The following RCL1 variants were observed in gnomAD, a reference collection of about 807,000 sequenced individuals.
RCL1 encodes RNA 3'-terminal phosphate cyclase-like protein.
A neutral mutation model predicts 42.4 loss-of-function variants in RCL1; 24 were observed. The ratio of observed to expected loss-of-function variants is 0.57; its 90% CI spans 0.41 to 0.80. The LOEUF (loss-of-function observed/expected upper bound fraction) is 0.80, where lower values mean the gene tolerates loss of function less well. Ranked by LOEUF, RCL1 falls within the 30% of genes least tolerant of loss-of-function variation. The pLI, the probability that RCL1 is intolerant of heterozygous loss-of-function variation, is 0.00. For missense variants in RCL1, 578 were observed against 467.9 expected, an observed-to-expected ratio of 1.24 and a Z score of -2.17; for synonymous variants, 228 against 177.3, an observed-to-expected ratio of 1.29 and a Z score of -2.27.
At chr9:4,848,664 A>C (rs146846016) in intron 7 of RCL1, among the ~76,000 whole-genome samples, 1 of 152,260 alleles carries the variant, frequency 6.6e-6, no homozygotes. Flanking sequence ...TTGTATGCTT[A>C]TGTATGCGTC....
chr9:4,858,145 G>A (rs1293779566), intron 8 of RCL1, among the ~76,000 whole-genome samples: 1 of 151,686 alleles, frequency 6.6e-6, no homozygotes, highest in Non-Finnish European at 1.5e-5. Flanking sequence ...CAAACTGTTG[G>A]GATTACAGGT....
chr9:4,814,168 A>C (rs1450036362), intron 1 of RCL1, among the ~76,000 whole-genome samples: 1 of 141,450 alleles, frequency 7.1e-6, no homozygotes, highest in East Asian at 2.1e-4. Context: ...AATAAAATAA[A>C]ATTTCCCCCA....
At chr9:4,801,303 C>T (rs1842996745) in intron 1 of RCL1, among the ~76,000 whole-genome samples, 1 of 152,136 alleles carries the variant, frequency 6.6e-6, no homozygotes, top group African/African-American at 2.4e-5. Flanking sequence ...TCCCGAGTAG[C>T]TGGGACTACA....
chr9:4,812,507 T>G (rs1816215605), intron 1 of RCL1, among the ~76,000 whole-genome samples: 1 of 152,166 alleles, frequency 6.6e-6, no homozygotes, highest in Non-Finnish European at 1.5e-5. Flanking sequence ...CAAACGATCC[T>G]CCTGCCTTGG....
chr9:4,859,473 T>C (rs1211544741), intron 8 of RCL1, among the ~76,000 whole-genome samples: 1 of 152,068 alleles, frequency 6.6e-6, no homozygotes, highest in African/African-American at 2.4e-5. Context: ...TTCATTTGAG[T>C]GCAATATTCC....
chr9:4,837,046 A>G (rs991212679), intron 5 of RCL1, among the ~76,000 whole-genome samples: 1 of 152,178 alleles, frequency 6.6e-6, no homozygotes. Context: ...ATGCATAGTT[A>G]CATTGCCCAG....
At chr9:4,844,190 A>C (rs1380065943) in intron 6 of RCL1, among the ~76,000 whole-genome samples, 17 of 152,122 alleles carry the variant, frequency 1.1e-4, no homozygotes, top group Admixed American at 1.1e-3. Flanking sequence ...GAGTTGTGTT[A>C]AAGGGGGCAG....
At chr9:4,812,375 T>C (rs1384583713) in intron 1 of RCL1, among the ~76,000 whole-genome samples, 1 of 152,046 alleles carries the variant, frequency 6.6e-6, no homozygotes, top group African/African-American at 2.4e-5. Context: ...AGAGTAGGCA[T>C]CTAGTTCCTT....
rs58956276 is a variant in RCL1, at chr9:4,801,312, C to T, written c.136+8085C>T. 2.2e-3 allele frequency among the ~76,000 whole-genome samples: 338 copies of T among 152,216 alleles called. 4 individuals carry two copies. The highest frequency in any genetic ancestry group is 7.7e-3 in the African/African-American group (320 of 41,526). Reference sequence around the variant, plus strand: ...TCAGCCTCCCGAGTAGCTGGGACTACAGGCACATACCATCATGCCCGGCTA... The same window carrying T: ...TCAGCCTCCCGAGTAGCTGGGACTATAGGCACATACCATCATGCCCGGCTA... On this transcript the variant is annotated intron_variant, in intron 1 of 8. Coordinates refer to ENST00000381750, the MANE Select transcript of RCL1 (RefSeq NM_005772.5).
intron 8 of RCL1, chr9:4,850,347 CA>C (rs1465115600): frequency 3.7e-6 from 2 of 533,870 alleles, no homozygotes; most frequent in African/African-American, 3.9e-5. Context: ...CTGAAAGGTA[CA>C]GTACTGTGAT....
chr9:4,857,931 C>CTTTTTTTTTTTTTTT (rs34470773), intron 8 of RCL1, among the ~76,000 whole-genome samples: 2 of 103,048 alleles, frequency 1.9e-5, no homozygotes, highest in Non-Finnish European at 1.8e-5. Context: ...AGCTCTCCCA[C>CTTTTTTTTTTTTTTT]TTTTTTTTTT....
At chr9:4,851,840 G>T (rs1479706168) in intron 8 of RCL1, among the ~76,000 whole-genome samples, 2 of 150,534 alleles carry the variant, frequency 1.3e-5, no homozygotes, top group Non-Finnish European at 2.9e-5. Flanking sequence ...TGCTGTTGGT[G>T]GTTTTCTGTG....
chr9:4,836,049 A>G (rs957234020), intron 5 of RCL1, among the ~76,000 whole-genome samples: 1 of 152,156 alleles, frequency 6.6e-6, no homozygotes, highest in East Asian at 1.9e-4. Flanking sequence ...TGGGCGGGGT[A>G]GGATAAGAGA....
In RCL1 at chr9:4,823,374, G is replaced by A. The variant is rs370971001; in HGVS notation, c.137-174G>A. ...GTACCAGTCAGTGCTTTTCAACTGCGTCAGGTTCCTCAACCTGTGAACCTA... is the reference window on the plus strand; with the variant it reads ...GTACCAGTCAGTGCTTTTCAACTGCATCAGGTTCCTCAACCTGTGAACCTA... On this transcript the variant is annotated intron_variant, in intron 1 of 8. Coordinates refer to ENST00000381750, the MANE Select transcript of RCL1 (RefSeq NM_005772.5). 2.3e-4 allele frequency among the ~76,000 whole-genome samples: 34 copies of A among 148,782 alleles called. No individual in the cohort carries two copies. The East Asian group carries it at 3.8e-3, about 16-fold the overall frequency.
chr9:4,803,394 G>A (rs574167737), intron 1 of RCL1, among the ~76,000 whole-genome samples: 2 of 152,128 alleles, frequency 1.3e-5, no homozygotes, highest in African/African-American at 4.8e-5. Flanking sequence ...GAGAATACAA[G>A]GTGATCTTCA....
chr9:4,833,283 G>T, intron 4 of RCL1, 55 bp downstream of exon 4: 1 of 1,321,762 alleles, frequency 7.6e-7, no homozygotes, highest in South Asian at 1.2e-5. Context: ...TTTTCCCACT[G>T]ACTCATTGGA....
chr9:4,855,685 C>T (rs1242182046), intron 8 of RCL1, among the ~76,000 whole-genome samples: 2 of 151,836 alleles, frequency 1.3e-5, no homozygotes, highest in Non-Finnish European at 1.5e-5. Flanking sequence ...ATCCCAGCTG[C>T]CAGAGACATA....
chr9:4,849,320 C>G, intron 7 of RCL1, 127 bp from the exon 8 acceptor site: 1 of 674,268 alleles, frequency 1.5e-6, no homozygotes, highest in Non-Finnish European at 2.6e-6. Flanking sequence ...GACCTGTATT[C>G]TGTTTTATTG....
chr9:4,849,168 A>ATT (rs34569485), intron 7 of RCL1, among the ~76,000 whole-genome samples: 2 of 143,288 alleles, frequency 1.4e-5, no homozygotes, highest in African/African-American at 5.1e-5. Context: ...GGAAAGTTTC[A>ATT]TTTTTTTTTT....
Sources: gnomAD v4.1 joint callset for allele counts (sites outside exome capture counted in the v4.1 genomes callset) on GRCh38, gnomAD v4.1.1 for gene constraint, MANE v1.5 for transcripts, NCBI Gene and HGNC (gene_info 2026-07-23, HGNC 2026-07-21) for gene names.